The following PIM3 variants were observed in gnomAD, a reference collection of about 807,000 sequenced individuals.
PIM3 encodes Pim-3 proto-oncogene, serine/threonine kinase.
In PIM3, 13 loss-of-function variants were observed where a neutral mutation model predicts 27.5. The observed-to-expected ratio is 0.47, with a 90% confidence interval of 0.31 to 0.75. The LOEUF is 0.75. Among genes scored for constraint, PIM3 ranks in the 30% least tolerant of loss-of-function variants. PIM3 has a pLI of 0.05. For missense variants in PIM3, 482 were observed against 476.9 expected, an observed-to-expected ratio of 1.01 and a Z score of -0.10; for synonymous variants, 341 against 221.1, an observed-to-expected ratio of 1.54 and a Z score of -4.81.
At chr22:49,961,086 G>A in intron 1 of PIM3, 39 bp from the exon 2 acceptor site, 4 of 1,387,310 alleles carry the variant, frequency 2.9e-6, no homozygotes, top group Non-Finnish European at 2.8e-6. Context: ...GACCGGGGGC[G>A]CCCCGGGCCG....
rs773813088 is a variant in PIM3 at position 49,961,301 on chromosome 22, C to T, written c.196-17C>T. 6 of 1,543,666 alleles carry T rather than the reference C, an allele frequency of 3.9e-6. No homozygotes were observed. The highest frequency in any genetic ancestry group is 1.9e-4 in the Middle Eastern group (1 of 5,246). On this transcript the variant is annotated splice_polypyrimidine_tract_variant and intron_variant, in intron 2 of 5. Transcript: ENST00000360612. ...TTGCGCCTCGCTTGGCCCGGCCTGA[C>T]CCCCGCGTCTCCGCAGGTGGCTGTG...
At chr22:49,962,034 C>T (rs537567249) in intron 4 of PIM3, among the ~76,000 whole-genome samples, 122 of 152,206 alleles carry the variant, frequency 8.0e-4, no homozygotes, top group African/African-American at 2.5e-3. Flanking sequence ...AATATTGCTT[C>T]CTCCATCGCG....
intron 4 of PIM3, 83 bp downstream of exon 4, chr22:49,961,894 G>T (rs1410951023): frequency 1.9e-6 from 3 of 1,557,704 alleles, no homozygotes; most frequent in East Asian, 4.7e-5. Flanking sequence ...TGGAGGGGCT[G>T]ATGACTGTTG....
chr22:49,960,883 C>T lies in PIM3; in HGVS notation c.-65C>T, dbSNP rs1168045001. 2 of 1,135,650 alleles carry T rather than the reference C, an allele frequency of 1.8e-6. No individual in the cohort carries two copies. The highest frequency in any genetic ancestry group is 3.5e-5 in the South Asian group (1 of 28,344). 70.3% of individuals were successfully genotyped at this position (1,135,650 alleles called of 1,614,324 possible). A position where few individuals can be genotyped will look rare whatever the true frequency, so the allele number is the denominator to read the frequency against. ...GACGGCCGGTGTCCCCGGCGCGCCG[C>T]TCGCCCGGATCGGCCGCGGCTTCGG... is the stretch of plus-strand genomic sequence containing the variant. On this transcript the variant is annotated 5_prime_UTR_variant, in exon 1 of 6. Coordinates refer to ENST00000360612, the MANE Select transcript of PIM3 (RefSeq NM_001001852.4).
rs533208612 is a variant in PIM3 at position 49,962,410 on chromosome 22, C to G, written c.617-279C>G. On this transcript the variant is annotated intron_variant, in intron 4 of 5. Transcript: ENST00000360612. ...GGTAAGGGACCCGCGCTGTCCCCCC[C>G]CCACCCAGGTAGCCTCACAGCGCAT... 4.8e-3 allele frequency among the ~76,000 whole-genome samples: 718 copies of G among 150,754 alleles called. 4 individuals carry two copies. Among genetic ancestry groups the G allele is most frequent in the Non-Finnish European group, 7.3e-3 (492 of 67,404 alleles).
chr22:49,963,684 C>T lies in PIM3; in HGVS notation c.*557C>T, dbSNP rs2060921800. ...TCTGAGCAGTCTGCCTCTCCCAAGC[C>T]CCAGGGGACAGTGGGGAGGCAGGGG... is the stretch of plus-strand genomic sequence containing the variant. On this transcript the variant is annotated 3_prime_UTR_variant, in exon 6 of 6. Transcript: ENST00000360612. The T allele has an allele frequency of 6.6e-6, 1 of 152,562 alleles. No homozygotes were observed. The highest frequency in any genetic ancestry group is 1.5e-5 in the Non-Finnish European group (1 of 68,104). The allele number at this position is 152,562 out of a possible 1,614,324, so 9.5% of individuals were successfully genotyped here. A position where few individuals can be genotyped will look rare whatever the true frequency, so the allele number is the denominator to read the frequency against.
intron 4 of PIM3, 87 bp from the exon 5 acceptor site, chr22:49,962,602 G>A (rs2060914367): frequency 7.0e-7 from 1 of 1,425,122 alleles, no homozygotes; most frequent in East Asian, 2.3e-5. Context: ...CTGTTACTGA[G>A]GCCAGGGAGT....
Position 49,961,797 on chromosome 22 carries a change from A to T in PIM3, c.602A>T (p.Tyr201Phe), listed in dbSNP as rs750805076. The T allele has an allele frequency of 6.2e-6, 10 of 1,609,494 alleles. No homozygotes were observed. The highest frequency in any genetic ancestry group is 8.5e-6 in the Non-Finnish European group (10 of 1,178,600). The part of the protein sequence containing the change: ...GSGALLKDTV[Y>F]TDFDGTRVYS... ...GGTGCGCTGCTCAAGGACACGGTCT[A>T]CACCGACTTCGACGGTGAGCGCGGG... Residue 201 changes from tyrosine to phenylalanine, a missense_variant, in exon 4 of 6, where the codon TAC becomes TTC. By Grantham distance (22) the Tyr-to-Phe change is conservative (BLOSUM62 3). Transcript: ENST00000360612.
chr22:49,961,291 C>G, intron 2 of PIM3, 27 bp from the exon 3 acceptor site: 1 of 1,540,382 alleles, frequency 6.5e-7, no homozygotes, highest in South Asian at 1.2e-5. Context: ...CCTCGCTTGG[C>G]CCGGCCTGAC....
chr22:49,962,034 C>G (rs537567249), intron 4 of PIM3, among the ~76,000 whole-genome samples: 7 of 152,206 alleles, frequency 4.6e-5, no homozygotes, highest in Non-Finnish European at 1.0e-4. Context: ...AATATTGCTT[C>G]CTCCATCGCG....
intron 4 of PIM3, 150 bp from the exon 5 acceptor site, chr22:49,962,539 C>T: frequency 2.2e-6 from 2 of 904,438 alleles, no homozygotes; most frequent in Non-Finnish European, 3.2e-6. Flanking sequence ...CATCGCCTGC[C>T]GGGGTTTTTC....
Position 49,963,009 on chromosome 22 carries a change from C to T in PIM3, c.863C>T (p.Ala288Val), listed in dbSNP as rs760981994. ...GAGCGGCCGTCGCTGGATCAGATTGCGGCCCATCCCTGGATGCTGGGGGCT... is the reference window on the plus strand; with the variant it reads ...GAGCGGCCGTCGCTGGATCAGATTGTGGCCCATCCCTGGATGCTGGGGGCT... ...PSERPSLDQI[A>V]AHPWMLGADG... Residue 288 changes from alanine (A) to valine (V), a missense_variant, in exon 6 of 6, where the codon GCG becomes GTG. Ala to Val is a moderately conservative substitution (Grantham distance 64). Coordinates refer to ENST00000360612, the MANE Select transcript of PIM3 (RefSeq NM_001001852.4). 77 of 1,611,704 alleles carry T rather than the reference C, an allele frequency of 4.8e-5. No individual in the cohort carries two copies. The highest frequency in any genetic ancestry group is 5.9e-5 in the Non-Finnish European group (70 of 1,179,780).
chr22:49,963,004 G>C lies in PIM3; in HGVS notation c.858G>C (p.Gln286His), dbSNP rs2060917241. 2.5e-6 allele frequency: 4 copies of C among 1,611,832 alleles called. No homozygotes were observed. Among genetic ancestry groups the C allele is most frequent in the Non-Finnish European group, 2.5e-6 (3 of 1,179,858 alleles). Residue 286 changes from glutamine (Q) to histidine (H), a missense_variant, in exon 6 of 6, where the codon CAG becomes CAC. Gln to His is a conservative substitution (Grantham distance 24, BLOSUM62 0). Transcript: ENST00000360612. ...CCTCAGAGCGGCCGTCGCTGGATCA[G>C]ATTGCGGCCCATCCCTGGATGCTGG... The part of the protein sequence containing the change: ...LRPSERPSLD[Q>H]IAAHPWMLGA...
At position 49,963,249 on chromosome 22, in the gene PIM3, C is replaced by T. The variant is rs1168310186; in HGVS notation, c.*122C>T. 5 of 1,155,322 alleles carry T rather than the reference C, an allele frequency of 4.3e-6. No individual in the cohort carries two copies. Among genetic ancestry groups the T allele is most frequent in the East Asian group, 2.7e-5 (1 of 36,930 alleles). The allele number at this position is 1,155,322 out of a possible 1,614,324, so 71.6% of individuals were successfully genotyped here. Reference sequence around the variant, plus strand: ...CTGCGGAAGCAGTGACCTCTGACCCCTGGTGACCTTCGCTTTGAGTGCCTT... The same window carrying T: ...CTGCGGAAGCAGTGACCTCTGACCCTTGGTGACCTTCGCTTTGAGTGCCTT... On this transcript the variant is annotated 3_prime_UTR_variant, in exon 6 of 6. Coordinates refer to ENST00000360612, the MANE Select transcript of PIM3 (RefSeq NM_001001852.4).
chr22:49,962,576 G>A, intron 4 of PIM3, 113 bp from the exon 5 acceptor site: 1 of 1,231,500 alleles, frequency 8.1e-7, no homozygotes, highest in Non-Finnish European at 1.1e-6. Flanking sequence ...AGGATTTTGA[G>A]GCCTGGCTCT....
At chr22:49,961,870 G>A (rs2060909334) in intron 4 of PIM3, 59 bp downstream of exon 4, 3 of 1,589,760 alleles carry the variant, frequency 1.9e-6, no homozygotes, top group African/African-American at 1.3e-5. Flanking sequence ...GTTAACGCCT[G>A]CAGGGGCGGC....
Position 49,963,500 on chromosome 22 carries a change from C to A in PIM3, c.*373C>A. 5.3e-6 allele frequency: 1 copy of A among 187,098 alleles called. No individual in the cohort carries two copies. Among genetic ancestry groups the A allele is most frequent in the Admixed American group, 6.1e-5 (1 of 16,420 alleles). The allele number at this position is 187,098 out of a possible 1,614,324, so 11.6% of individuals were successfully genotyped here. On this transcript the variant is annotated 3_prime_UTR_variant, in exon 6 of 6. Transcript: ENST00000360612. The stretch of plus-strand genomic sequence containing the variant: ...CTCAGTCCTGCGGTGTGCGTCTGGG[C>A]ACGTCCTGCACACACAATGCAAGTC...
chr22:49,961,021 T>A lies in PIM3; in HGVS notation c.74T>A (p.Ile25Asn). ...GGCGTGGACCACCTCCCGGTGAAGA[T>A]CCTGCAGCCAGGTACGCGCGGGGCC... ...PGGVDHLPVK[I>N]LQPAKADKES... Residue 25 changes from isoleucine to asparagine, a missense_variant, in exon 1 of 6, where the codon ATC (isoleucine) becomes AAC (asparagine). By Grantham distance (149) the Ile-to-Asn change is moderately radical. Transcript: ENST00000360612. 7.2e-7 allele frequency: 1 copy of A among 1,383,518 alleles called. No homozygotes were observed. The highest frequency in any genetic ancestry group is 9.5e-7 in the Non-Finnish European group (1 of 1,058,150). The allele number at this position is 1,383,518 out of a possible 1,614,324, so 85.7% of individuals were successfully genotyped here. A position where few individuals can be genotyped will look rare whatever the true frequency, so the allele number is the denominator to read the frequency against.
At position 49,961,477 on chromosome 22, in the gene PIM3, G is replaced by A; in HGVS notation, c.282G>A (p.Leu94=). Residue 94 remains leucine, a synonymous_variant, in exon 4 of 6, where the codon CTG becomes CTA. Coordinates refer to ENST00000360612, the MANE Select transcript of PIM3 (RefSeq NM_001001852.4). ...GATVPLEVVL[L]RKVGAAGGAR... ...CCGTGCCCCTGGAGGTGGTGCTGCT[G>A]CGCAAGGTGGGCGCGGCGGGCGGCG... The A allele has an allele frequency of 4.0e-6, 6 of 1,490,242 alleles. No homozygotes were observed. The highest frequency in any genetic ancestry group is 5.3e-6 in the Non-Finnish European group (6 of 1,124,370). The allele number at this position is 1,490,242 out of a possible 1,614,324, so 92.3% of individuals were successfully genotyped here.
Sources: gnomAD v4.1 joint callset for allele counts (sites outside exome capture counted in the v4.1 genomes callset) on GRCh38, gnomAD v4.1.1 for gene constraint, MANE v1.5 for transcripts, NCBI Gene and HGNC (gene_info 2026-07-23, HGNC 2026-07-21) for gene names.